The following STARD13 variants were observed in gnomAD, a reference collection of about 807,000 sequenced individuals.
STARD13 encodes the protein StAR related lipid transfer domain containing 13.
Under a neutral mutation model 106.4 loss-of-function variants are expected in STARD13, and 62 were observed. That is an observed-to-expected ratio of 0.58 (90% CI 0.48 to 0.72). The LOEUF (loss-of-function observed/expected upper bound fraction) is 0.72, where lower values mean the gene tolerates loss of function less well. STARD13 is among the 30% of genes least tolerant of loss of function. The pLI, the probability that STARD13 is intolerant of heterozygous loss-of-function variation, is 0.00. For missense variants in STARD13, 1,387 were observed against 1,424.0 expected (o/e 0.97, Z 0.42); for synonymous variants, 565 against 553.0 (o/e 1.02, Z -0.31).
At chr13:33,187,318 G>A (rs10492405) in intron 1 of STARD13, among the ~76,000 whole-genome samples, 15,969 of 152,212 alleles carry the variant, frequency 0.1, 1,003 homozygotes, top group East Asian at 0.33. Flanking sequence ...AATCATTGCT[G>A]TCACAGTCAT....
chr13:33,439,718 A>G, the STARD13 span: 1 of 1,257,730 alleles, frequency 8.0e-7, no homozygotes, highest in South Asian at 1.2e-5. Flanking sequence ...CTGTTATCAG[A>G]GAGCACCTGT....
the STARD13 span, among the ~76,000 whole-genome samples, chr13:33,542,258 T>G: frequency 7.9e-5 from 12 of 152,198 alleles, no homozygotes; most frequent in Middle Eastern, 6.8e-3. Flanking sequence ...TCACTAAGAT[T>G]TAGAGGGGAA....
the STARD13 span, among the ~76,000 whole-genome samples, chr13:33,554,477 T>C: frequency 6.6e-6 from 1 of 152,190 alleles, no homozygotes; most frequent in Non-Finnish European, 1.5e-5. Context: ...AGCATAATAA[T>C]AGTGCCTTCT....
the STARD13 span, among the ~76,000 whole-genome samples, chr13:33,548,343 A>G: frequency 2.0e-5 from 3 of 152,142 alleles, no homozygotes; most frequent in Admixed American, 1.3e-4. Flanking sequence ...TTAGCATGCA[A>G]CTGTTGGTTG....
rs1889266270 is a variant in STARD13 at position 33,237,785 on chromosome 13, T to C, written c.169+47685A>G. Reference sequence around the variant, plus strand: ...TATTTCCTCTGAAATGATTTTTGCCTTTAAACTATACCAATTGGGTTGAGA... The same window carrying C: ...TATTTCCTCTGAAATGATTTTTGCCCTTAAACTATACCAATTGGGTTGAGA... On this transcript the variant is annotated intron_variant, in intron 1 of 13. Transcript: ENST00000336934. Among the ~76,000 whole-genome samples, 5 of 152,222 alleles carry C rather than the reference T, an allele frequency of 3.3e-5. No homozygotes were observed. The South Asian group carries it at 1.0e-3, about 31-fold the overall frequency.
intron 1 of STARD13, among the ~76,000 whole-genome samples, chr13:33,297,365 A>G (rs545557760): frequency 4.6e-5 from 7 of 152,236 alleles, no homozygotes. Flanking sequence ...GAAAGATAGA[A>G]CTTGCTATCT....
At chr13:33,640,689 C>T in the STARD13 span, among the ~76,000 whole-genome samples, 1 of 152,148 alleles carries the variant, frequency 6.6e-6, no homozygotes, top group African/African-American at 2.4e-5. Context: ...CTCAGAAATA[C>T]AATTTGAGGA....
chr13:33,246,736 G>A (rs983529707), intron 1 of STARD13, among the ~76,000 whole-genome samples: 1 of 151,676 alleles, frequency 6.6e-6, no homozygotes, highest in African/African-American at 2.4e-5. Context: ...GAGAGAGAGA[G>A]GAGAGAATAA....
chr13:33,284,145 A>G (rs1393335919), intron 1 of STARD13, among the ~76,000 whole-genome samples: 1 of 152,186 alleles, frequency 6.6e-6, no homozygotes, highest in Admixed American at 6.5e-5. Flanking sequence ...TTTTGTTTCT[A>G]TTCAATCAAG....
chr13:33,620,344 G>A, the STARD13 span, among the ~76,000 whole-genome samples: 8 of 150,030 alleles, frequency 5.3e-5, no homozygotes, highest in East Asian at 3.9e-4. Flanking sequence ...GTGCAGTGGC[G>A]CTATCTCAGC....
rs146508734 is a variant in STARD13, at chr13:33,246,372, A to G, written c.169+39098T>C. 3.0e-4 allele frequency among the ~76,000 whole-genome samples: 46 copies of G among 152,296 alleles called. No individual in the cohort carries two copies. In the East Asian group the frequency reaches 6.6e-3, roughly 22 times the overall value. On this transcript the variant is annotated intron_variant, in intron 1 of 13. Transcript: ENST00000336934. Reference sequence around the variant, plus strand: ...CACCTAATGTACCCCAGACAGGCACACACACATCTCTAGTCCACCTGAGCT... The same window carrying G: ...CACCTAATGTACCCCAGACAGGCACGCACACATCTCTAGTCCACCTGAGCT...
At chr13:33,493,156 G>A in the STARD13 span, among the ~76,000 whole-genome samples, 1 of 152,112 alleles carries the variant, frequency 6.6e-6, no homozygotes, top group African/African-American at 2.4e-5. Flanking sequence ...GATTAGGGGT[G>A]GAACAGCTAA....
At chr13:33,475,022 G>A in the STARD13 span, among the ~76,000 whole-genome samples, 3 of 152,216 alleles carry the variant, frequency 2.0e-5, no homozygotes, top group Admixed American at 6.5e-5. Context: ...AGAAGTGAGT[G>A]CATATAAAAG....
At chr13:33,519,571 C>A in the STARD13 span, among the ~76,000 whole-genome samples, 1 of 151,912 alleles carries the variant, frequency 6.6e-6, no homozygotes, top group Non-Finnish European at 1.5e-5. Flanking sequence ...TAGAGTTGAA[C>A]CCAATCTCTT....
chr13:33,433,505 T>A, the STARD13 span, among the ~76,000 whole-genome samples: 4 of 152,110 alleles, frequency 2.6e-5, no homozygotes, highest in African/African-American at 9.7e-5. Context: ...GAGTCAACAG[T>A]GGGTCAGGGT....
At chr13:33,582,349 A>G in the STARD13 span, among the ~76,000 whole-genome samples, 2 of 152,158 alleles carry the variant, frequency 1.3e-5, no homozygotes. Context: ...TACTCATTCT[A>G]TGTTGCCTAA....
At chr13:33,321,498 C>T (rs1386699777) in intron 1 of STARD13, among the ~76,000 whole-genome samples, 3 of 149,928 alleles carry the variant, frequency 2.0e-5, no homozygotes, top group African/African-American at 5.0e-5. Context: ...AGAGAGACTC[C>T]GTCTCAGGGA....
chr13:33,263,116 C>T (rs763084139), intron 1 of STARD13, among the ~76,000 whole-genome samples: 16 of 152,084 alleles, frequency 1.1e-4, no homozygotes, highest in Non-Finnish European at 2.4e-4. Flanking sequence ...TATAAAACCC[C>T]CTGTAAAGTA....
At chr13:33,317,778 G>A (rs59117076) in intron 1 of STARD13, among the ~76,000 whole-genome samples, 2,882 of 152,272 alleles carry the variant, frequency 0.019, 84 homozygotes, top group African/African-American at 0.065. Flanking sequence ...CTCTATGAGA[G>A]CACGGACTTT....
Sources: gnomAD v4.1 joint callset for allele counts (sites outside exome capture counted in the v4.1 genomes callset) on GRCh38, gnomAD v4.1.1 for gene constraint, MANE v1.5 for transcripts, NCBI Gene and HGNC (gene_info 2026-07-23, HGNC 2026-07-21) for gene names.